TGIF1: variants seen among roughly 807,000 people sequenced by gnomAD.
The protein encoded by TGIF1 is homeobox protein TGIF1.
A neutral mutation model predicts 19.3 loss-of-function variants in TGIF1; 4 were observed. That is an observed-to-expected ratio of 0.21 (90% confidence interval 0.10 to 0.47). TGIF1 has a LOEUF of 0.47. Ranked by LOEUF, TGIF1 falls within the 20% of genes least tolerant of loss-of-function variation. TGIF1 has a pLI of 0.98. For missense variants in TGIF1, 275 were observed against 341.4 expected (o/e 0.81, Z 1.53); for synonymous variants, 122 against 129.3 (o/e 0.94, Z 0.38).
intron 2 of TGIF1, among the ~76,000 whole-genome samples, chr18:3,444,605 A>G (rs238541): frequency 0.98 from 149,148 of 152,320 alleles, 73,036 homozygotes; most frequent in East Asian, 1. Context: ...TGTATTAAGT[A>G]CATAAAGGTT....
chr18:3,418,494 A>T (rs1047033997), intron 2 of TGIF1: 8 of 152,242 alleles, frequency 5.3e-5, no homozygotes, highest in African/African-American at 1.9e-4. Flanking sequence ...GCATACTTGT[A>T]ATCATCTTTA....
At chr18:3,421,039 C>T (rs776779110) in intron 2 of TGIF1, among the ~76,000 whole-genome samples, 1 of 151,866 alleles carries the variant, frequency 6.6e-6, no homozygotes, top group Non-Finnish European at 1.5e-5. Context: ...GATGGTGGTC[C>T]CATAAGATTA....
At chr18:3,422,673 CTTTTTTTTTTTTT>C (rs869116407) in intron 2 of TGIF1, among the ~76,000 whole-genome samples, 533 of 24,658 alleles carry the variant, frequency 0.022, 59 homozygotes, top group African/African-American at 0.036. Context: ...TATAGGTGGC[CTTTTTTTTTTTTT>C]TTTTTTTTTT....
upstream of TGIF1, chr18:3,448,406 C>T: frequency 1.0e-6 from 1 of 997,868 alleles, no homozygotes; most frequent in Non-Finnish European, 1.2e-6. Flanking sequence ...TGCGCCACAT[C>T]TGTCCCGCAC....
Position 3,456,749 on chromosome 18 carries a change from C to G in TGIF1, c.243+169C>G, listed in dbSNP as rs1197654078. On this transcript the variant is annotated intron_variant, in intron 2 of 2. Transcript: ENST00000343820. The surrounding 1 kb of genome is among the most constrained non-coding windows in gnomAD (Gnocchi z 4.2). ...AGCTAATAACTAGCTATTTAGAGAACACAGAAACACTTGACAGTCATCTAT... is the reference window on the plus strand; with the variant it reads ...AGCTAATAACTAGCTATTTAGAGAAGACAGAAACACTTGACAGTCATCTAT... 1 of 720,694 alleles carries G rather than the reference C, an allele frequency of 1.4e-6. No individual in the cohort carries two copies. The highest frequency in any genetic ancestry group is 2.5e-6 in the Non-Finnish European group (1 of 403,990). The allele number at this position is 720,694 out of a possible 1,614,324, so 44.6% of individuals were successfully genotyped here. A position where few individuals can be genotyped will look rare whatever the true frequency, so the allele number is the denominator to read the frequency against.
chr18:3,439,484 C>T (rs749136250), intron 2 of TGIF1, among the ~76,000 whole-genome samples: 5 of 151,824 alleles, frequency 3.3e-5, no homozygotes, highest in Admixed American at 6.6e-5. Flanking sequence ...GCTGGGATTA[C>T]TGGCATGCTC....
chr18:3,415,581 T>C (rs529585594), intron 1 of TGIF1: 3 of 248,844 alleles, frequency 1.2e-5, no homozygotes, highest in Admixed American at 8.0e-5. Context: ...AGGGCGGTTC[T>C]CAGGAACATG....
At chr18:3,447,411 T>C (rs921948646), upstream of TGIF1, among the ~76,000 whole-genome samples, 1 of 149,768 alleles carries the variant, frequency 6.7e-6, no homozygotes, top group Non-Finnish European at 1.5e-5. Flanking sequence ...GCCCCGAGAC[T>C]GGAAGGGACT....
At chr18:3,447,664 A>G (rs2082766820), upstream of TGIF1, 5 of 1,567,322 alleles carry the variant, frequency 3.2e-6, no homozygotes, top group Non-Finnish European at 4.4e-6. Flanking sequence ...GTTGGGCTGT[A>G]AGCTTTCGCT....
upstream of TGIF1, chr18:3,449,451 A>G (rs552296744): frequency 1.0e-4 from 99 of 985,500 alleles, no homozygotes; most frequent in Admixed American, 4.9e-4. Flanking sequence ...GCAACGTGTC[A>G]GATTTCGAAA....
chr18:3,453,924 G>A, intron 1 of TGIF1: 1 of 775,626 alleles, frequency 1.3e-6, no homozygotes, highest in South Asian at 5.8e-5. Context: ...TGTTACAATA[G>A]GAAATGAGTA....
At chr18:3,423,382 CA>C (rs1256149822) in intron 2 of TGIF1, among the ~76,000 whole-genome samples, 1 of 151,544 alleles carries the variant, frequency 6.6e-6, no homozygotes, top group Non-Finnish European at 1.5e-5. Context: ...CCCGTCTCTA[CA>C]AAAAAAAGTT....
chr18:3,428,277 T>C (rs2082499882), intron 2 of TGIF1, among the ~76,000 whole-genome samples: 1 of 152,192 alleles, frequency 6.6e-6, no homozygotes, highest in African/African-American at 2.4e-5. Flanking sequence ...TACTATTCTG[T>C]GTGACCAAAT....
In TGIF1 at chr18:3,451,500, A is replaced by G; in HGVS notation, c.16+995A>G. 1.0e-6 allele frequency: 1 copy of G among 990,034 alleles called. No homozygotes were observed. Among genetic ancestry groups the G allele is most frequent in the Non-Finnish European group, 1.2e-6 (1 of 833,324 alleles). The allele number at this position is 990,034 out of a possible 1,614,324, so 61.3% of individuals were successfully genotyped here. On this transcript the variant is annotated intron_variant, in intron 1 of 2. Transcript: ENST00000343820. This position sits in a 1 kb window ranked among gnomAD's most constrained non-coding sequence, Gnocchi z 5.4. Reference sequence around the variant, plus strand: ...GGCGTTTCTGTCGTGATTTATGTGGAGTGGTTCAAAACAGAAGTTAATCAC... The same window carrying G: ...GGCGTTTCTGTCGTGATTTATGTGGGGTGGTTCAAAACAGAAGTTAATCAC...
At chr18:3,439,345 T>C (rs1238990190) in intron 2 of TGIF1, among the ~76,000 whole-genome samples, 1 of 152,000 alleles carries the variant, frequency 6.6e-6, no homozygotes, top group Non-Finnish European at 1.5e-5. Context: ...CACCTCACTA[T>C]TTTAATTTTT....
chr18:3,436,785 C>A (rs545724819), intron 2 of TGIF1, among the ~76,000 whole-genome samples: 1 of 151,958 alleles, frequency 6.6e-6, no homozygotes, highest in Non-Finnish European at 1.5e-5. Flanking sequence ...TGCCACTGCA[C>A]TCCAGCCTGG....
Position 3,423,575 on chromosome 18 carries a change from G to A in TGIF1, c.-45+5360G>A, listed in dbSNP as rs573053923. Among the ~76,000 whole-genome samples, 5 of 152,240 alleles carry A rather than the reference G, an allele frequency of 3.3e-5. 1 individual carries two copies. In the Middle Eastern group the frequency reaches 0.01, roughly 311 times the overall value. ...GGGCGCCTGTGATCCCAGCTACTCA[G>A]GAGCTACTGAGGCAGGAGAATGTCG... is the stretch of plus-strand genomic sequence containing the variant. On this transcript the variant is annotated intron_variant, in intron 2 of 3. Transcript: ENST00000401449.
At chr18:3,432,143 A>AAAC (rs1555647113) in intron 2 of TGIF1, among the ~76,000 whole-genome samples, 6 of 130,176 alleles carry the variant, frequency 4.6e-5, no homozygotes, top group African/African-American at 1.3e-4. Flanking sequence ...AAAAAAAAAA[A>AAAC]ACACTAAGAA....
intron 1 of TGIF1, chr18:3,452,503 GC>G: frequency 6.9e-7 from 1 of 1,442,684 alleles, no homozygotes; most frequent in Non-Finnish European, 9.5e-7. Flanking sequence ...TCTGGGGTGG[GC>G]AGGCCTCTGA....
Sources: gnomAD v4.1 joint callset for allele counts (sites outside exome capture counted in the v4.1 genomes callset) on GRCh38, gnomAD v4.1.1 for gene constraint, Gnocchi (gnomAD v3.1) non-coding constraint, MANE v1.5 for transcripts, NCBI Gene and HGNC (gene_info 2026-07-23, HGNC 2026-07-21) for gene names.